Variants in PARD3B observed in about 807,000 individuals in gnomAD.
The protein encoded by PARD3B is partitioning defective 3 homolog B.
In PARD3B, 103 loss-of-function variants were observed where a neutral mutation model predicts 130.2. That is an observed-to-expected ratio of 0.79 (90% CI 0.67 to 0.93). The LOEUF (loss-of-function observed/expected upper bound fraction) is 0.93. Ranked by LOEUF, PARD3B falls within the 40% of genes least tolerant of loss-of-function variation. PARD3B has a pLI of 0.00. For synonymous variants in PARD3B, 583 were observed against 553.2 expected (o/e 1.05, Z -0.76); for missense variants, 1,609 against 1,499.2 (o/e 1.07, Z -1.21).
At chr2:205,090,816 A>C (rs1702058752) in intron 4 of PARD3B, among the ~76,000 whole-genome samples, 1 of 152,170 alleles carries the variant, frequency 6.6e-6, no homozygotes, top group Non-Finnish European at 1.5e-5. Flanking sequence ...TGCTATGGGA[A>C]AAGATTGGCC....
At chr2:205,472,466 T>A (rs1486984707) in intron 20 of PARD3B, among the ~76,000 whole-genome samples, 5 of 152,176 alleles carry the variant, frequency 3.3e-5, no homozygotes, top group African/African-American at 1.2e-4. Context: ...CTGAGTTTTA[T>A]GATAATAAAT....
In PARD3B at chr2:205,589,994, C is replaced by A. The variant is rs958146114; in HGVS notation, c.3261-25462C>A. Among the ~76,000 whole-genome samples, 1 of 152,126 alleles carries A rather than the reference C, an allele frequency of 6.6e-6. No individual in the cohort carries two copies. Among genetic ancestry groups the A allele is most frequent in the Non-Finnish European group, 1.5e-5 (1 of 68,018 alleles). On this transcript the variant is annotated intron_variant, in intron 22 of 22. Coordinates refer to ENST00000406610, the MANE Select transcript of PARD3B (RefSeq NM_001302769.2). This position sits in a 1 kb window ranked among gnomAD's most constrained non-coding sequence, Gnocchi z 4.1. Reference sequence around the variant, plus strand: ...TAAGCTGCAACAAAGCTTTTCTCCCCCAAGGTGGTTTCCAAAGTGAATGAC... The same window carrying A: ...TAAGCTGCAACAAAGCTTTTCTCCCACAAGGTGGTTTCCAAAGTGAATGAC...
intron 19 of PARD3B, among the ~76,000 whole-genome samples, chr2:205,434,312 A>T (rs2106138951): frequency 6.6e-6 from 1 of 152,242 alleles, no homozygotes; most frequent in Non-Finnish European, 1.5e-5. Context: ...TTACTTGTTT[A>T]TGTCTCCCTT....
intron 3 of PARD3B, among the ~76,000 whole-genome samples, chr2:205,036,175 C>T (rs1430835367): frequency 7.1e-6 from 1 of 140,884 alleles, no homozygotes; most frequent in South Asian, 2.2e-4. Context: ...ATATAGTGGA[C>T]TATATATACA....
intron 21 of PARD3B, among the ~76,000 whole-genome samples, chr2:205,504,542 T>G (rs976910420): frequency 6.6e-6 from 1 of 152,114 alleles, no homozygotes; most frequent in African/African-American, 2.4e-5. Context: ...CCAACACATT[T>G]ACAAGAAAAA....
chr2:204,573,253 A>T (rs922308039), intron 1 of PARD3B, among the ~76,000 whole-genome samples: 1 of 152,216 alleles, frequency 6.6e-6, no homozygotes, highest in Admixed American at 6.5e-5. Flanking sequence ...CACTCTTGAT[A>T]TCTTTTCCAC....
intron 19 of PARD3B, among the ~76,000 whole-genome samples, chr2:205,403,153 A>C (rs551790774): frequency 6.6e-6 from 1 of 152,202 alleles, no homozygotes; most frequent in South Asian, 2.1e-4. Flanking sequence ...TTTTCTCCTA[A>C]TATGTTTGAA....
intron 2 of PARD3B, among the ~76,000 whole-genome samples, chr2:204,729,599 C>A (rs567305646): frequency 6.6e-6 from 1 of 152,270 alleles, no homozygotes; most frequent in South Asian, 2.1e-4. Flanking sequence ...AACTTTGTTT[C>A]TTAAATTATC....
intron 22 of PARD3B, among the ~76,000 whole-genome samples, chr2:205,556,226 G>A (rs868353541): frequency 6.6e-6 from 1 of 152,194 alleles, no homozygotes; most frequent in African/African-American, 2.4e-5. Context: ...GGAAGTCGGT[G>A]GCCAACCTTA....
At position 204,673,486 on chromosome 2, in the gene PARD3B, C is replaced by T. The variant is rs2036401078; in HGVS notation, c.121-12695C>T. Among the ~76,000 whole-genome samples, 1 of 152,180 alleles carries T rather than the reference C, an allele frequency of 6.6e-6. No homozygotes were observed. Among genetic ancestry groups the T allele is most frequent in the African/African-American group, 2.4e-5 (1 of 41,444 alleles). ...TGACAAGCGAACTAGTTTTCCCACT[C>T]TCATATAAGGGTTGCTTTTCTGAGC... On this transcript the variant is annotated intron_variant, in intron 1 of 22. Coordinates refer to ENST00000406610, the MANE Select transcript of PARD3B (RefSeq NM_001302769.2). This position sits in a 1 kb window ranked among gnomAD's most constrained non-coding sequence, Gnocchi z 4.7.
At chr2:204,640,299 C>G (rs1559200536) in intron 1 of PARD3B, among the ~76,000 whole-genome samples, 1 of 152,160 alleles carries the variant, frequency 6.6e-6, no homozygotes, top group Non-Finnish European at 1.5e-5. Context: ...TCTTCACCAC[C>G]TATGTCCAGG....
chr2:205,332,105 A>C (rs552944981), intron 18 of PARD3B, among the ~76,000 whole-genome samples: 8 of 152,064 alleles, frequency 5.3e-5, no homozygotes, highest in Admixed American at 5.2e-4. Context: ...ACTCGGTCTC[A>C]AAAAAAAGAA....
At chr2:205,070,833 AT>A (rs1700684018) in intron 4 of PARD3B, among the ~76,000 whole-genome samples, 2 of 152,112 alleles carry the variant, frequency 1.3e-5, no homozygotes, top group Admixed American at 1.3e-4. Flanking sequence ...ATAACTAACA[AT>A]TTTATGCTGA....
chr2:205,318,184 A>C (rs1170404109), intron 18 of PARD3B, among the ~76,000 whole-genome samples: 3 of 152,100 alleles, frequency 2.0e-5, no homozygotes, highest in African/African-American at 7.2e-5. Context: ...TTCCACTTTA[A>C]ATTTGAACTC....
At chr2:205,119,323 T>C (rs553061805) in intron 7 of PARD3B, among the ~76,000 whole-genome samples, 2 of 152,278 alleles carry the variant, frequency 1.3e-5, no homozygotes, top group African/African-American at 4.8e-5. Context: ...TTTGTTTTTC[T>C]TGGGCTATGG....
intron 1 of PARD3B, among the ~76,000 whole-genome samples, chr2:204,683,497 A>T (rs994474498): frequency 3.3e-5 from 5 of 152,302 alleles, no homozygotes; most frequent in African/African-American, 4.8e-5. Context: ...GGATAAATTT[A>T]TGGTCTTACG....
At chr2:204,828,523 C>G (rs1343861478) in intron 2 of PARD3B, among the ~76,000 whole-genome samples, 2 of 152,132 alleles carry the variant, frequency 1.3e-5, no homozygotes, top group Non-Finnish European at 2.9e-5. Flanking sequence ...TTGTTTGTGT[C>G]TCAAAACTTT....
At chr2:205,059,198 C>T (rs1299426828) in intron 4 of PARD3B, among the ~76,000 whole-genome samples, 1 of 152,006 alleles carries the variant, frequency 6.6e-6, no homozygotes, top group Non-Finnish European at 1.5e-5. Flanking sequence ...TTCTTTCCCC[C>T]ATTGAATGGT....
intron 2 of PARD3B, among the ~76,000 whole-genome samples, chr2:204,832,231 A>C (rs1302544755): frequency 6.6e-6 from 1 of 151,504 alleles, no homozygotes; most frequent in Admixed American, 6.5e-5. Context: ...GTCTCAAAAA[A>C]CAAACAAACA....
Sources: allele counts gnomAD v4.1 joint callset (sites outside exome capture counted in the v4.1 genomes callset), GRCh38; gene constraint gnomAD v4.1.1; non-coding constraint Gnocchi (gnomAD v3.1); transcripts MANE v1.5; gene names NCBI Gene and HGNC (gene_info 2026-07-23, HGNC 2026-07-21).